PROM2: variants seen among roughly 807,000 people sequenced by gnomAD.
PROM2 encodes prominin 2, also known as prominin-2.
Under a neutral mutation model 110.2 loss-of-function variants are expected in PROM2, and 90 were observed. That is an observed-to-expected ratio of 0.82 (90% CI 0.69 to 0.97). PROM2 has a LOEUF of 0.97. PROM2 is among the 50% of genes least tolerant of loss of function. PROM2 has a pLI of 0.00. For synonymous variants in PROM2, 470 were observed against 467.8 expected (o/e 1.00, Z -0.06); for missense variants, 1,009 against 1,074.8 (o/e 0.94, Z 0.86).
chr2:95,288,360 G>C, intron 21 of PROM2, 60 bp downstream of exon 21: 1 of 1,600,568 alleles, frequency 6.2e-7, no homozygotes, highest in Non-Finnish European at 8.6e-7. Flanking sequence ...CTGCTCTCCA[G>C]GGAGGGCCGG....
chr2:95,279,088 G>T lies in PROM2; in HGVS notation c.1218G>T (p.Glu406Asp). 6.2e-7 allele frequency: 1 copy of T among 1,611,066 alleles called. No individual in the cohort carries two copies. Among genetic ancestry groups the T allele is most frequent in the Non-Finnish European group, 8.5e-7 (1 of 1,179,058 alleles). ...AASRWAQALQ[E>D]VEESSRPYLQ... ...CCCGCTGGGCCCAGGCACTGCAGGAGGTGGAGGAGAGCAGCCGCCCCTACC... is the reference window on the plus strand; with the variant it reads ...CCCGCTGGGCCCAGGCACTGCAGGATGTGGAGGAGAGCAGCCGCCCCTACC... The change falls in exon 10 of 24, where the codon GAG becomes GAT. Residue 406 changes from glutamate (E) to aspartate (D), a missense_variant. Coordinates refer to ENST00000317620, the MANE Select transcript of PROM2 (RefSeq NM_001165978.3).
intron 16 of PROM2, among the ~76,000 whole-genome samples, chr2:95,285,943 G>T (rs979435216): frequency 5.9e-5 from 9 of 152,172 alleles, no homozygotes; most frequent in Admixed American, 5.9e-4. Context: ...TCTCTGAGCC[G>T]GAGGTTCTTC....
intron 14 of PROM2, among the ~76,000 whole-genome samples, chr2:95,284,457 C>G (rs1288928961): frequency 2.6e-5 from 4 of 151,842 alleles, no homozygotes; most frequent in Non-Finnish European, 5.9e-5. Flanking sequence ...TGCTATTGCC[C>G]TCCAGCCTGG....
rs202017454 is a variant in PROM2 at position 95,286,822 on chromosome 2, G to C, written c.2059G>C (p.Val687Leu). The change falls in exon 18 of 24, where the codon GTC becomes CTC. Residue 687 changes from valine to leucine, a missense_variant. Val to Leu is a conservative substitution (Grantham distance 32). Transcript: ENST00000317620. ...QSLVAKLNLS[V>L]RALESSAPNL... ...TCCACAGGCAAAGCTCAACCTCAGC[G>C]TCAGGGCCCTGGAGTCCTCTGCCCC... is the stretch of plus-strand genomic sequence containing the variant. 1.2e-6 allele frequency: 2 copies of C among 1,613,600 alleles called. No individual in the cohort carries two copies. The highest frequency in any genetic ancestry group is 1.7e-6 in the Non-Finnish European group (2 of 1,179,956).
At position 95,276,481 on chromosome 2, in the gene PROM2, G is replaced by A; in HGVS notation, c.619-113G>A. On this transcript the variant is annotated intron_variant, in intron 4 of 23. Transcript: ENST00000317620. The surrounding 1 kb of genome is among the most constrained non-coding windows in gnomAD (Gnocchi z 4.6). ...CCTCCTCTCCCGCCCTTGCCTGAGA[G>A]TCGACCACCCTCAGGGTGGATGCCA... The A allele has an allele frequency of 6.3e-7, 1 of 1,596,960 alleles. No individual in the cohort carries two copies. The highest frequency in any genetic ancestry group is 1.1e-5 in the South Asian group (1 of 90,140).
intron 6 of PROM2, 149 bp from the exon 7 acceptor site, chr2:95,277,215 G>T: frequency 8.8e-7 from 1 of 1,131,512 alleles, no homozygotes; most frequent in Non-Finnish European, 1.2e-6. Flanking sequence ...CCCTCCCCTG[G>T]CTTAATGTGC....
At chr2:95,284,891 C>T (rs1677254322) in intron 14 of PROM2, 78 bp from the exon 15 acceptor site, 3 of 1,460,548 alleles carry the variant, frequency 2.1e-6, no homozygotes, top group Middle Eastern at 1.8e-4. Flanking sequence ...GCCTGGTGAC[C>T]CCTGTGCTTA....
Position 95,276,770 on chromosome 2 carries a change from T to G in PROM2, c.682+113T>G, listed in dbSNP as rs1573445691. 1.6e-6 allele frequency: 2 copies of G among 1,282,940 alleles called. No homozygotes were observed. Among genetic ancestry groups the G allele is most frequent in the Non-Finnish European group, 2.2e-6 (2 of 901,554 alleles). 79.5% of individuals were successfully genotyped at this position (1,282,940 alleles called of 1,614,324 possible). A position where few individuals can be genotyped will look rare whatever the true frequency, so the allele number is the denominator to read the frequency against. ...CTGGACACCCCCGGGAACAGGCTGG[T>G]AGAGGTGGGGATCAGGCCGGCTGGA... On this transcript the variant is annotated intron_variant, in intron 5 of 23. Coordinates refer to ENST00000317620, the MANE Select transcript of PROM2 (RefSeq NM_001165978.3). The surrounding 1 kb of genome is among the most constrained non-coding windows in gnomAD (Gnocchi z 4.6).
chr2:95,288,927 C>T lies in PROM2; in HGVS notation c.2442-6C>T. On this transcript the variant is annotated splice_region_variant and splice_polypyrimidine_tract_variant and intron_variant, in intron 22 of 23. Transcript: ENST00000317620. ...GTATGCTCACTCTCTGTCTTTGACA[C>T]TGCAGCTCCACCAGCTCTGAGGAGA... 6.2e-7 allele frequency: 1 copy of T among 1,613,938 alleles called. No homozygotes were observed. The highest frequency in any genetic ancestry group is 8.5e-7 in the Non-Finnish European group (1 of 1,179,786).
chr2:95,283,162 A>G (rs1677148531), intron 14 of PROM2, among the ~76,000 whole-genome samples: 1 of 152,202 alleles, frequency 6.6e-6, no homozygotes, highest in African/African-American at 2.4e-5. Context: ...AGGCTGAGAC[A>G]CTGCCCTGTG....
In PROM2 at chr2:95,276,869, C is replaced by G. The variant is rs1427287818; in HGVS notation, c.683-103C>G. The G allele has an allele frequency of 7.7e-7, 1 of 1,293,182 alleles. No individual in the cohort carries two copies. The highest frequency in any genetic ancestry group is 1.1e-6 in the Non-Finnish European group (1 of 920,626). The allele number at this position is 1,293,182 out of a possible 1,614,324, so 80.1% of individuals were successfully genotyped here. A position where few individuals can be genotyped will look rare whatever the true frequency, so the allele number is the denominator to read the frequency against. On this transcript the variant is annotated intron_variant, in intron 5 of 23. Transcript: ENST00000317620. The surrounding 1 kb of genome is among the most constrained non-coding windows in gnomAD (Gnocchi z 4.6). ...CGCTCCTTCACTCCCCTCCACCCCC[C>G]GGCTCCTGCAGAGCCCGGTGGGGCC... is the stretch of plus-strand genomic sequence containing the variant.
rs370765822 is a variant in PROM2, at chr2:95,282,122, C to T, written c.1644-20C>T. On this transcript the variant is annotated intron_variant, in intron 13 of 23. Transcript: ENST00000317620. ...CGCCACCCCCAAGGCTCATCGTCTGCACCCCTCACTCCTCCTCAGGCAGTG... is the reference window on the plus strand; with the variant it reads ...CGCCACCCCCAAGGCTCATCGTCTGTACCCCTCACTCCTCCTCAGGCAGTG... 3.4e-5 allele frequency: 55 copies of T among 1,612,692 alleles called. No individual in the cohort carries two copies. The highest frequency in any genetic ancestry group is 4.5e-5 in the Non-Finnish European group (53 of 1,178,986).
In PROM2 at chr2:95,282,157, G is replaced by A; in HGVS notation, c.1659G>A (p.Gly553=). 1 of 1,613,984 alleles carries A rather than the reference G, an allele frequency of 6.2e-7. No homozygotes were observed. Among genetic ancestry groups the A allele is most frequent in the Non-Finnish European group, 8.5e-7 (1 of 1,179,968 alleles). Residue 553 remains glycine (G), a synonymous_variant, in exon 14 of 24, where the codon GGG becomes GGA. Transcript: ENST00000317620. The part of the protein sequence containing the change: ...IHQAYQQCKE[G]AALWTVLQLN... ...TCCTCCTCAGGCAGTGCAAGGAAGG[G>A]GCAGCGCTCTGGACAGTCCTGCAGC...
rs1394161911 is a variant in PROM2 at position 95,277,057 on chromosome 2, C to T, written c.768C>T (p.Gly256=). Residue 256 remains glycine (G), a synonymous_variant, in exon 6 of 24, where the codon GGC becomes GGT. Transcript: ENST00000317620. ...YPLLAAVGSL[G]QVLQVSVHHL... ...TGCTGGCGGCCGTGGGCAGTTTGGG[C>T]CAGGGTGAGCTGGAGCCGCATCCTG... The T allele has an allele frequency of 2.6e-6, 4 of 1,550,796 alleles. No individual in the cohort carries two copies. The highest frequency in any genetic ancestry group is 3.5e-6 in the Non-Finnish European group (4 of 1,146,610).
intron 11 of PROM2, 140 bp from the exon 12 acceptor site, chr2:95,281,102 T>C (rs1285914591): frequency 7.0e-5 from 83 of 1,185,496 alleles, no homozygotes; most frequent in Non-Finnish European, 9.5e-5. Context: ...GGCCAAGTCC[T>C]CCAAGCTCCT....
intron 8 of PROM2, chr2:95,278,255 G>C (rs562876412): frequency 6.4e-5 from 37 of 576,692 alleles, no homozygotes; most frequent in Non-Finnish European, 1.0e-4. Flanking sequence ...TGAGCCCAGA[G>C]GGCAGGCGGC....
Position 95,276,559 on chromosome 2 carries a change from A to G in PROM2, c.619-35A>G. On this transcript the variant is annotated intron_variant, in intron 4 of 23. Coordinates refer to ENST00000317620, the MANE Select transcript of PROM2 (RefSeq NM_001165978.3). This position sits in a 1 kb window ranked among gnomAD's most constrained non-coding sequence, Gnocchi z 4.6. ...AAGGGCGTAAGGACTGTGGGTGACC[A>G]GGAAGGGCAGCCTCAGGGCCTTGTG... 1 of 1,613,794 alleles carries G rather than the reference A, an allele frequency of 6.2e-7. No individual in the cohort carries two copies. The highest frequency in any genetic ancestry group is 8.5e-7 in the Non-Finnish European group (1 of 1,179,850).
At position 95,286,588 on chromosome 2, in the gene PROM2, G is replaced by C. The variant is rs755035093; in HGVS notation, c.2040+17G>C. On this transcript the variant is annotated intron_variant, in intron 17 of 23. Coordinates refer to ENST00000317620, the MANE Select transcript of PROM2 (RefSeq NM_001165978.3). ...AGCCTTGTGGTCAGTTTGGAGGCCCGGGGAGCCTGGGGCCTGGGGGAGGGG... is the reference window on the plus strand; with the variant it reads ...AGCCTTGTGGTCAGTTTGGAGGCCCCGGGAGCCTGGGGCCTGGGGGAGGGG... The C allele has an allele frequency of 1.9e-6, 3 of 1,603,016 alleles. No homozygotes were observed. Among genetic ancestry groups the C allele is most frequent in the Non-Finnish European group, 1.7e-6 (2 of 1,171,134 alleles).
rs1025702075 is a variant in PROM2 at position 95,290,690 on chromosome 2, G to A, written c.*1477G>A. ...TGGATGGAAGCTGCCTATTATTATTGTCGTTGTTGTTGTTTGCCATGACTG... is the reference window on the plus strand; with the variant it reads ...TGGATGGAAGCTGCCTATTATTATTATCGTTGTTGTTGTTTGCCATGACTG... On this transcript the variant is annotated 3_prime_UTR_variant, in exon 24 of 24. Coordinates refer to ENST00000317620, the MANE Select transcript of PROM2 (RefSeq NM_001165978.3). 2 of 152,260 alleles carry A rather than the reference G, an allele frequency of 1.3e-5. No individual in the cohort carries two copies. The highest frequency in any genetic ancestry group is 4.8e-5 in the African/African-American group (2 of 41,458). The allele number at this position is 152,260 out of a possible 1,614,324, so 9.4% of individuals were successfully genotyped here. A position where few individuals can be genotyped will look rare whatever the true frequency, so the allele number is the denominator to read the frequency against.
Sources: gnomAD v4.1 joint callset for allele counts (sites outside exome capture counted in the v4.1 genomes callset) on GRCh38, gnomAD v4.1.1 for gene constraint, Gnocchi (gnomAD v3.1) non-coding constraint, MANE v1.5 for transcripts, NCBI Gene and HGNC (gene_info 2026-07-23, HGNC 2026-07-21) for gene names.